Variants in AMZ2 observed in about 807,000 individuals in gnomAD.
AMZ2 encodes the protein archaelysin family metallopeptidase 2.
A neutral mutation model predicts 36.7 loss-of-function variants in AMZ2; 26 were observed. The observed-to-expected ratio is 0.71, with a 90% CI of 0.52 to 0.98. The LOEUF is 0.98. AMZ2 is among the 50% of genes least tolerant of loss of function. The pLI, the probability that AMZ2 is intolerant of heterozygous loss-of-function variation, is 0.00. For missense variants in AMZ2, 394 were observed against 430.5 expected (o/e 0.92, Z 0.75); for synonymous variants, 144 against 149.1 (o/e 0.97, Z 0.25).
At chr17:68,210,947 T>TA (rs2073025745) in intron 1 of AMZ2, among the ~76,000 whole-genome samples, 1 of 93,532 alleles carries the variant, frequency 1.1e-5, no homozygotes, top group Admixed American at 1.4e-4. Context: ...AGACCCTGTC[T>TA]CAAAAAAAAA....
chr17:68,229,874 C>T (rs1901268056), intron 1 of AMZ2, among the ~76,000 whole-genome samples: 1 of 152,136 alleles, frequency 6.6e-6, no homozygotes. Flanking sequence ...GGCTGAGCTT[C>T]TCGTTCTCCT....
rs533121037 is a variant in AMZ2 at position 68,255,308 on chromosome 17, C to T, written c.751-392C>T. On this transcript the variant is annotated intron_variant, in intron 5 of 6. Transcript: ENST00000359904. Reference sequence around the variant, plus strand: ...CTAGTGTAGATCAAGGGTTCTCAGCCAGGGGTGATTTTGCCATCCAGGGAA... The same window carrying T: ...CTAGTGTAGATCAAGGGTTCTCAGCTAGGGGTGATTTTGCCATCCAGGGAA... Among the ~76,000 whole-genome samples the T allele has an allele frequency of 2.9e-5, 3 of 103,320 alleles. No homozygotes were observed. The East Asian group carries it at 8.3e-4, about 28-fold the overall frequency. The allele number at this position is 103,320 out of a possible 152,430, so 67.8% of individuals were successfully genotyped here.
At chr17:68,242,221 C>A (rs1183572449) in intron 1 of AMZ2, among the ~76,000 whole-genome samples, 4 of 151,954 alleles carry the variant, frequency 2.6e-5, no homozygotes, top group African/African-American at 4.8e-5. Context: ...AGGGAACCAC[C>A]TAGAAAGCAT....
rs140698493 is a variant in AMZ2 at position 68,210,879 on chromosome 17, G to T, written c.-67+4641G>T. ...AGGAGGATCACCTGAGCCCAAGGAG[G>T]TTGAGGCTGCACTGAGCTGTGTTTA... On this transcript the variant is annotated intron_variant, in intron 1 of 7. Coordinates refer to the AMZ2 transcript ENST00000674770. Among the ~76,000 whole-genome samples, 363 of 148,076 alleles carry T rather than the reference G, an allele frequency of 2.5e-3. 3 individuals are homozygous for T. Among genetic ancestry groups the T allele is most frequent in the Non-Finnish European group, 3.1e-3 (211 of 67,394 alleles).
intron 1 of AMZ2, among the ~76,000 whole-genome samples, chr17:68,242,722 T>G (rs1258632349): frequency 2.6e-5 from 4 of 152,138 alleles, no homozygotes; most frequent in Non-Finnish European, 4.4e-5. Context: ...CAAGCACATA[T>G]TTTTAAAACA....
intron 1 of AMZ2, among the ~76,000 whole-genome samples, chr17:68,213,289 T>A (rs1054214328): frequency 7.9e-5 from 12 of 152,230 alleles, no homozygotes; most frequent in African/African-American, 2.2e-4. Context: ...TACTTGCCTC[T>A]TTCTGAGTGA....
intron 1 of AMZ2, among the ~76,000 whole-genome samples, chr17:68,214,833 A>C (rs143860650): frequency 3.3e-5 from 5 of 151,382 alleles, no homozygotes; most frequent in African/African-American, 1.2e-4. Context: ...CCAAGCTCTG[A>C]ACTGCAGTGG....
intron 1 of AMZ2, among the ~76,000 whole-genome samples, chr17:68,240,180 G>A (rs2073872925): frequency 6.6e-6 from 1 of 152,136 alleles, no homozygotes; most frequent in South Asian, 2.1e-4. Flanking sequence ...CAGAAGGGGT[G>A]AGCTGACTCC....
intron 1 of AMZ2, among the ~76,000 whole-genome samples, chr17:68,219,906 A>G (rs1430592663): frequency 2.0e-5 from 3 of 152,152 alleles, no homozygotes; most frequent in African/African-American, 7.2e-5. Context: ...TGTGAACTCG[A>G]CATTGCTACA....
chr17:68,222,456 G>C (rs1204917360), intron 1 of AMZ2, among the ~76,000 whole-genome samples: 1 of 152,236 alleles, frequency 6.6e-6, no homozygotes, highest in African/African-American at 2.4e-5. Flanking sequence ...TCCACGGACC[G>C]GGTGGGGATA....
At chr17:68,206,370 G>T in intron 1 of AMZ2, 1 of 979,736 alleles carries the variant, frequency 1.0e-6, no homozygotes, top group South Asian at 5.3e-5. Context: ...GAGGGGAAAT[G>T]CGAGGGCACA....
chr17:68,228,824 C>T (rs752256893), intron 1 of AMZ2, among the ~76,000 whole-genome samples: 3 of 152,270 alleles, frequency 2.0e-5, no homozygotes, highest in African/African-American at 7.2e-5. Context: ...CCTGCTACAC[C>T]GACCCACCAC....
At chr17:68,254,600 C>T (rs1235634491) in intron 5 of AMZ2, 33 bp downstream of exon 5, 2 of 1,550,106 alleles carry the variant, frequency 1.3e-6, no homozygotes, top group African/African-American at 2.7e-5. Context: ...CAGGACAGTT[C>T]TTTAAAAGAG....
chr17:68,237,025 T>C (rs2073806298), intron 1 of AMZ2, among the ~76,000 whole-genome samples: 1 of 152,232 alleles, frequency 6.6e-6, no homozygotes, highest in African/African-American at 2.4e-5. Context: ...ATGAGATTGT[T>C]CTTTTTAATG....
Position 68,254,577 on chromosome 17 carries a change from T to G in AMZ2, c.750+10T>G, listed in dbSNP as rs2074751983. On this transcript the variant is annotated intron_variant, in intron 5 of 6. Transcript: ENST00000359904. Reference sequence around the variant, plus strand: ...ACTTCGATCCTGTAAGGTAAGTTATTACAAAAATCTGACAGGACAGTTCTT... The same window carrying G: ...ACTTCGATCCTGTAAGGTAAGTTATGACAAAAATCTGACAGGACAGTTCTT... 6.2e-7 allele frequency: 1 copy of G among 1,601,964 alleles called. No individual in the cohort carries two copies. Among genetic ancestry groups the G allele is most frequent in the African/African-American group, 1.3e-5 (1 of 74,522 alleles).
intron 6 of AMZ2, among the ~76,000 whole-genome samples, 182 bp from the exon 7 acceptor site, chr17:68,256,630 ATT>A (rs57494764): frequency 0.028 from 4,303 of 152,260 alleles, 194 homozygotes; most frequent in African/African-American, 0.096. Context: ...TTCTGTGTGT[ATT>A]TGGTACGTGC....
chr17:68,229,362 C>G (rs1555730672), intron 1 of AMZ2, among the ~76,000 whole-genome samples: 1 of 152,162 alleles, frequency 6.6e-6, no homozygotes, highest in Non-Finnish European at 1.5e-5. Context: ...AAACCTGGGG[C>G]CCTCACAGGG....
chr17:68,249,229 G>A (rs140823866), intron 1 of AMZ2: 3 of 477,734 alleles, frequency 6.3e-6, no homozygotes, highest in African/African-American at 6.1e-5. Context: ...GCTTACATTA[G>A]TTTTGTTTTT....
At position 68,248,701 on chromosome 17, in the gene AMZ2, T is replaced by G; in HGVS notation, c.-5T>G. 1 of 986,764 alleles carries G rather than the reference T, an allele frequency of 1.0e-6. No individual in the cohort carries two copies. Among genetic ancestry groups the G allele is most frequent in the Non-Finnish European group, 1.2e-6 (1 of 830,726 alleles). The allele number at this position is 986,764 out of a possible 1,614,324, so 61.1% of individuals were successfully genotyped here. A position where few individuals can be genotyped will look rare whatever the true frequency, so the allele number is the denominator to read the frequency against. Reference sequence around the variant, plus strand: ...CTTCCATGGGAGCCTTCCTTCCTAATCAAGGTAGGTAGACTACAGGAAGGT... The same window carrying G: ...CTTCCATGGGAGCCTTCCTTCCTAAGCAAGGTAGGTAGACTACAGGAAGGT... On this transcript the variant is annotated 5_prime_UTR_variant, in exon 1 of 7. Transcript: ENST00000359904.
Sources: allele counts gnomAD v4.1 joint callset (sites outside exome capture counted in the v4.1 genomes callset), GRCh38; gene constraint gnomAD v4.1.1; transcripts MANE v1.5; gene names NCBI Gene and HGNC (gene_info 2026-07-23, HGNC 2026-07-21).